The following MACROD2 variants were observed in gnomAD, a reference collection of about 807,000 sequenced individuals.
MACROD2 encodes the protein ADP-ribose glycohydrolase MACROD2.
In MACROD2, 36 loss-of-function variants were observed where a neutral mutation model predicts 70.4. That is an observed-to-expected ratio of 0.51 (90% CI 0.39 to 0.68). The LOEUF (loss-of-function observed/expected upper bound fraction) is 0.68, where lower values mean the gene tolerates loss of function less well. Ranked by LOEUF, MACROD2 falls within the 30% of genes least tolerant of loss-of-function variation. MACROD2 has a pLI of 0.00. For missense variants in MACROD2, 496 were observed against 538.4 expected (o/e 0.92, Z 0.78); for synonymous variants, 172 against 178.8 (o/e 0.96, Z 0.30).
chr20:15,422,175 C>T (rs727246), intron 6 of MACROD2, among the ~76,000 whole-genome samples: 68,911 of 151,852 alleles, frequency 0.45, 15,851 homozygotes, highest in African/African-American at 0.52. Context: ...TTTATTAAAG[C>T]ATGATGGGAG....
At chr20:14,584,266 T>G (rs1202332007) in intron 4 of MACROD2, among the ~76,000 whole-genome samples, 1 of 152,330 alleles carries the variant, frequency 6.6e-6, no homozygotes, top group East Asian at 1.9e-4. Context: ...TTATTTAAGT[T>G]ATGCTTACTT....
rs191568714 is a variant in MACROD2, at chr20:14,290,745, T to C, written c.272-202734T>C. ...CCTGGTCTCGAACTCCCGACCTCAGTTGATCCACCCGCCTCAGCCTCCCAG... is the reference window on the plus strand; with the variant it reads ...CCTGGTCTCGAACTCCCGACCTCAGCTGATCCACCCGCCTCAGCCTCCCAG... On this transcript the variant is annotated intron_variant, in intron 3 of 17. Coordinates refer to ENST00000684519, the MANE Select transcript of MACROD2 (RefSeq NM_001351661.2). 1.5e-3 allele frequency among the ~76,000 whole-genome samples: 224 copies of C among 152,234 alleles called. 1 individual carries two copies. Among genetic ancestry groups the C allele is most frequent in the Admixed American group, 5.5e-3 (84 of 15,296 alleles).
At chr20:14,887,787 C>T (rs922893251) in intron 5 of MACROD2, among the ~76,000 whole-genome samples, 3 of 151,204 alleles carry the variant, frequency 2.0e-5, no homozygotes, top group African/African-American at 4.9e-5. Context: ...GAAGGAGACA[C>T]TTGGCCACTA....
At chr20:14,973,644 G>C (rs1203535018) in intron 5 of MACROD2, among the ~76,000 whole-genome samples, 1 of 152,134 alleles carries the variant, frequency 6.6e-6, no homozygotes, top group Admixed American at 6.5e-5. Context: ...GTTTCAGAGA[G>C]AGATTATTTG....
chr20:15,232,275 A>C (rs141452379), intron 6 of MACROD2, among the ~76,000 whole-genome samples: 1 of 152,068 alleles, frequency 6.6e-6, no homozygotes, highest in South Asian at 2.1e-4. Flanking sequence ...TATTTTGTCA[A>C]CTTATCACAA....
At chr20:14,775,481 G>A (rs1239750820) in intron 5 of MACROD2, among the ~76,000 whole-genome samples, 3 of 151,930 alleles carry the variant, frequency 2.0e-5, no homozygotes, top group African/African-American at 7.3e-5. Context: ...AAGAGAGGGA[G>A]TACCATATTC....
intron 5 of MACROD2, among the ~76,000 whole-genome samples, chr20:15,137,676 T>C: frequency 6.6e-6 from 1 of 151,646 alleles, no homozygotes; most frequent in Non-Finnish European, 1.5e-5. Context: ...AACCTGCACT[T>C]TGTGCACATG....
At chr20:14,981,409 C>CGT (rs1245936126) in intron 5 of MACROD2, among the ~76,000 whole-genome samples, 27 of 142,212 alleles carry the variant, frequency 1.9e-4, no homozygotes, top group Admixed American at 1.4e-4. Flanking sequence ...TCCAATCATA[C>CGT]GTGTGTGTGT....
In MACROD2 at chr20:15,758,642, C is replaced by T. The variant is rs145717863; in HGVS notation, c.646-104103C>T. ...GCAGCCTCAAACTCCTTGGCTCAAG[C>T]GATCCTTCTTCCTCAGCCTCCTGAG... On this transcript the variant is annotated intron_variant, in intron 8 of 17. Coordinates refer to ENST00000684519, the MANE Select transcript of MACROD2 (RefSeq NM_001351661.2). 1.7e-3 allele frequency among the ~76,000 whole-genome samples: 255 copies of T among 151,762 alleles called. 1 individual carries two copies. The East Asian group carries it at 0.032, about 19-fold the overall frequency.
intron 2 of MACROD2, chr20:14,052,994 TA>T (rs1355020622): frequency 3.3e-5 from 5 of 151,630 alleles, no homozygotes; most frequent in African/African-American, 1.2e-4. Flanking sequence ...CATATAATAG[TA>T]GAGTTTTTTT....
chr20:14,644,181 T>G (rs1303990071), intron 4 of MACROD2, among the ~76,000 whole-genome samples: 1 of 152,178 alleles, frequency 6.6e-6, no homozygotes, highest in Non-Finnish European at 1.5e-5. Context: ...CAGTTTTATA[T>G]TCTTTGCGTC....
intron 5 of MACROD2, among the ~76,000 whole-genome samples, chr20:14,716,602 A>G (rs1472748047): frequency 6.6e-6 from 1 of 152,180 alleles, no homozygotes; most frequent in Non-Finnish European, 1.5e-5. Flanking sequence ...CTGGAACAAT[A>G]CAATGTTAGC....
At chr20:15,282,225 T>A (rs189434821) in intron 6 of MACROD2, among the ~76,000 whole-genome samples, 43 of 152,360 alleles carry the variant, frequency 2.8e-4, no homozygotes, top group Admixed American at 2.4e-3. Flanking sequence ...CTCTGACATG[T>A]TCTGGAGACG....
At chr20:15,255,590 T>C (rs545221969) in intron 6 of MACROD2, among the ~76,000 whole-genome samples, 1 of 152,180 alleles carries the variant, frequency 6.6e-6, no homozygotes, top group East Asian at 1.9e-4. Context: ...GTTGATAACA[T>C]AAGAGCTCTG....
At chr20:14,618,218 G>A (rs1983592087) in intron 4 of MACROD2, among the ~76,000 whole-genome samples, 1 of 151,924 alleles carries the variant, frequency 6.6e-6, no homozygotes, top group Admixed American at 6.6e-5. Flanking sequence ...CTGAGCTAAG[G>A]GAAAAAGGAA....
At chr20:15,884,763 A>G (rs1486631820) in intron 9 of MACROD2, among the ~76,000 whole-genome samples, 1 of 152,096 alleles carries the variant, frequency 6.6e-6, no homozygotes, top group African/African-American at 2.4e-5. Context: ...CTGTAACAAA[A>G]TATCATAGAC....
At chr20:14,286,695 TA>T (rs1304550891) in intron 3 of MACROD2, among the ~76,000 whole-genome samples, 2 of 152,180 alleles carry the variant, frequency 1.3e-5, no homozygotes, top group East Asian at 3.8e-4. Context: ...TAATTTGCTT[TA>T]ACACATTACT....
In MACROD2 at chr20:15,937,747, A is replaced by G. The variant is rs373706369; in HGVS notation, c.907+203A>G. ...AGAAAATTTATATATATATATATAT[A>G]TGTGTGTATATATGTATATATAACA... On this transcript the variant is annotated intron_variant, in intron 12 of 17. Transcript: ENST00000684519. Among the ~76,000 whole-genome samples the G allele has an allele frequency of 0.026, 3,068 of 119,976 alleles. 101 individuals are homozygous for G. The highest frequency in any genetic ancestry group is 0.13 in the South Asian group (524 of 3,918). The allele number at this position is 119,976 out of a possible 152,430, so 78.7% of individuals were successfully genotyped here. A position where few individuals can be genotyped will look rare whatever the true frequency, so the allele number is the denominator to read the frequency against.
At chr20:15,596,306 C>A (rs1568918606) in intron 8 of MACROD2, among the ~76,000 whole-genome samples, 1 of 152,098 alleles carries the variant, frequency 6.6e-6, no homozygotes, top group African/African-American at 2.4e-5. Context: ...GCTGGGAATG[C>A]CTTCTTATGG....
Sources: gnomAD v4.1 joint callset for allele counts (sites outside exome capture counted in the v4.1 genomes callset) on GRCh38, gnomAD v4.1.1 for gene constraint, MANE v1.5 for transcripts, NCBI Gene and HGNC (gene_info 2026-07-23, HGNC 2026-07-21) for gene names.